FARP1: variants seen among roughly 807,000 people sequenced by gnomAD.
The protein encoded by FARP1 is FERM, ARHGEF and pleckstrin domain-containing protein 1.
In FARP1, 52 loss-of-function variants were observed where a neutral mutation model predicts 128.8. That is an observed-to-expected ratio of 0.40 (90% CI 0.32 to 0.51). The LOEUF (loss-of-function observed/expected upper bound fraction) is 0.51. FARP1 is among the 20% of genes least tolerant of loss of function. The pLI, the probability that FARP1 is intolerant of heterozygous loss-of-function variation, is 0.45. For synonymous variants in FARP1, 580 were observed against 551.8 expected (o/e 1.05, Z -0.72); for missense variants, 1,333 against 1,367.9 (o/e 0.97, Z 0.40).
chr13:98,266,049 T>C (rs1165330271), intron 2 of FARP1, among the ~76,000 whole-genome samples: 1 of 152,030 alleles, frequency 6.6e-6, no homozygotes, highest in Non-Finnish European at 1.5e-5. Context: ...AGCGCTTTTT[T>C]TTCCCATTTT....
chr13:98,150,971 T>C (rs1875954200), intron 1 of FARP1, among the ~76,000 whole-genome samples: 1 of 151,684 alleles, frequency 6.6e-6, no homozygotes, highest in East Asian at 1.9e-4. Flanking sequence ...AAGAGGTTAG[T>C]GTGGCAGATA....
rs1360948791 is a variant in FARP1, at chr13:98,251,696, AG to A, written c.171+38284del. On this transcript the variant is annotated intron_variant, in intron 2 of 26. Coordinates refer to ENST00000319562, the MANE Select transcript of FARP1 (RefSeq NM_005766.4). Reference sequence around the variant, plus strand: ...AGACTCCATCTCAAAAAAAAAAAAAAGAAAAAAAAGTCCCCATTAGGGAAGA... The same window carrying A: ...AGACTCCATCTCAAAAAAAAAAAAAAAAAAAAAAGTCCCCATTAGGGAAGA... Among the ~76,000 whole-genome samples, 24 of 151,806 alleles carry A rather than the reference AG, an allele frequency of 1.6e-4. 1 individual carries two copies. The highest frequency in any genetic ancestry group is 1.2e-3 in the East Asian group (6 of 5,186).
intron 2 of FARP1, among the ~76,000 whole-genome samples, chr13:98,288,007 G>C (rs1192821003): frequency 1.3e-5 from 2 of 151,438 alleles, no homozygotes; most frequent in Non-Finnish European, 2.9e-5. Context: ...TCACCATCTT[G>C]GCCAGGATGG....
intron 24 of FARP1, among the ~76,000 whole-genome samples, chr13:98,442,232 A>C (rs758378794): frequency 1.3e-5 from 2 of 152,226 alleles, no homozygotes; most frequent in African/African-American, 2.4e-5. Flanking sequence ...CACATAAGAG[A>C]CTCAGGCCAG....
chr13:98,217,395 A>AGC (rs372582193), intron 2 of FARP1, among the ~76,000 whole-genome samples: 22 of 152,286 alleles, frequency 1.4e-4, no homozygotes, highest in Non-Finnish European at 1.9e-4. Flanking sequence ...GAAGCCCAGA[A>AGC]GCCCCCCAGG....
At position 98,346,172 on chromosome 13, in the gene FARP1, G is replaced by A. The variant is rs183542862; in HGVS notation, c.276+2306G>A. On this transcript the variant is annotated intron_variant, in intron 3 of 26. Transcript: ENST00000319562. The stretch of plus-strand genomic sequence containing the variant: ...TGTTAATTACTGAATTCCAGCCTGA[G>A]CTAATTGCATATAATTTTTTTTTTT... Among the ~76,000 whole-genome samples the A allele has an allele frequency of 2.1e-3, 306 of 148,034 alleles. 1 individual carries two copies. Among genetic ancestry groups the A allele is most frequent in the African/African-American group, 7.3e-3 (293 of 40,140 alleles).
chr13:98,384,689 T>C, intron 6 of FARP1, 41 bp from the exon 7 acceptor site: 2 of 1,241,962 alleles, frequency 1.6e-6, no homozygotes, highest in Non-Finnish European at 2.4e-6. Flanking sequence ...CTGGGAAGTG[T>C]CATTCCTACG....
intron 2 of FARP1, among the ~76,000 whole-genome samples, chr13:98,268,893 T>A (rs1465322053): frequency 5.9e-5 from 9 of 151,878 alleles, no homozygotes; most frequent in South Asian, 2.1e-4. Context: ...ATTTTTATTT[T>A]TTTATTTTTA....
intron 12 of FARP1, among the ~76,000 whole-genome samples, chr13:98,394,953 C>A (rs1436243701): frequency 6.6e-6 from 1 of 152,106 alleles, no homozygotes; most frequent in African/African-American, 2.4e-5. Flanking sequence ...GCAAAGCAAA[C>A]CCCAGCATGA....
At chr13:98,273,317 T>A (rs1884472838) in intron 2 of FARP1, among the ~76,000 whole-genome samples, 1 of 152,206 alleles carries the variant, frequency 6.6e-6, no homozygotes, top group African/African-American at 2.4e-5. Flanking sequence ...TGGGACTTAA[T>A]CCTTGTCTGT....
At chr13:98,393,792 C>T (rs1890404405) in intron 12 of FARP1, 74 bp downstream of exon 12, 13 of 1,154,732 alleles carry the variant, frequency 1.1e-5, no homozygotes, top group East Asian at 7.2e-5. Flanking sequence ...GGCTTCAGAG[C>T]GGGCTTTCTT....
At chr13:98,357,269 C>T (rs1437574310) in intron 3 of FARP1, among the ~76,000 whole-genome samples, 2 of 152,052 alleles carry the variant, frequency 1.3e-5, no homozygotes, top group African/African-American at 4.8e-5. Context: ...ATCTTTTGTT[C>T]CTTTTATCTG....
chr13:98,260,771 G>A (rs551026643), intron 2 of FARP1, among the ~76,000 whole-genome samples: 27 of 152,290 alleles, frequency 1.8e-4, no homozygotes, highest in Non-Finnish European at 3.4e-4. Context: ...CCAAGAAGCT[G>A]ACCACTGTTT....
At chr13:98,440,317 C>G (rs571329770) in intron 23 of FARP1, 82 bp downstream of exon 23, 2 of 980,038 alleles carry the variant, frequency 2.0e-6, no homozygotes, top group Admixed American at 1.7e-5. Flanking sequence ...GCCACCCCAT[C>G]GGGTAGGCCT....
intron 2 of FARP1, among the ~76,000 whole-genome samples, chr13:98,299,429 C>G (rs766924269): frequency 1.3e-5 from 2 of 152,198 alleles, no homozygotes; most frequent in Non-Finnish European, 2.9e-5. Flanking sequence ...TGTATGAACA[C>G]GTAGGGGCTG....
intron 2 of FARP1, among the ~76,000 whole-genome samples, chr13:98,307,098 C>T (rs1466294512): frequency 6.6e-6 from 1 of 152,174 alleles, no homozygotes; most frequent in Non-Finnish European, 1.5e-5. Flanking sequence ...GATGAGAGGT[C>T]CCTCTTGACT....
chr13:98,351,634 A>T (rs113816827), intron 3 of FARP1, among the ~76,000 whole-genome samples: 4,492 of 152,082 alleles, frequency 0.03, 216 homozygotes, highest in African/African-American at 0.1. Context: ...AAAGAAAGAA[A>T]AAAAGAAAAG....
At chr13:98,388,645 A>G (rs1195835176) in intron 9 of FARP1, among the ~76,000 whole-genome samples, 167 bp downstream of exon 9, 1 of 152,178 alleles carries the variant, frequency 6.6e-6, no homozygotes, top group African/African-American at 2.4e-5. Context: ...ATGTATCCAA[A>G]TGGTCGGTAA....
intron 2 of FARP1, chr13:98,244,347 G>A (rs1882941564): frequency 4.5e-6 from 3 of 660,246 alleles, no homozygotes; most frequent in Admixed American, 5.8e-5. Context: ...GTATAGGCTG[G>A]TGTTACCATC....
Sources: allele counts gnomAD v4.1 joint callset (sites outside exome capture counted in the v4.1 genomes callset), GRCh38; gene constraint gnomAD v4.1.1; transcripts MANE v1.5; gene names NCBI Gene and HGNC (gene_info 2026-07-23, HGNC 2026-07-21).